The following ATAD5 variants were observed in gnomAD, a reference collection of about 807,000 sequenced individuals.
ATAD5 encodes ATPase family AAA domain-containing protein 5.
ATAD5 carries 58 observed loss-of-function variants against 176.9 expected under a neutral mutation model. That is an observed-to-expected ratio of 0.33 (90% CI 0.27 to 0.41). The LOEUF (loss-of-function observed/expected upper bound fraction) is 0.41, where lower values mean the gene tolerates loss of function less well. Ranked by LOEUF, ATAD5 falls within the 10% of genes least tolerant of loss-of-function variation. ATAD5 has a pLI of 1.00. For missense variants in ATAD5, 1,789 were observed against 2,094.1 expected (o/e 0.85, Z 2.84); for synonymous variants, 640 against 712.6 (o/e 0.90, Z 1.62).
At chr17:30,849,261 G>A (rs1233770854) in intron 6 of ATAD5, among the ~76,000 whole-genome samples, 1 of 152,004 alleles carries the variant, frequency 6.6e-6, no homozygotes, top group Non-Finnish European at 1.5e-5. Flanking sequence ...GTTTCCTTTT[G>A]TCTTTTCCCT....
rs894267428 is a variant in ATAD5 at position 30,832,383 on chromosome 17, T to C, written c.36T>C (p.Ala12=). The part of the protein sequence containing the change: ...VGVLAMAAAA[A]PPPVKDCEIE... ...TCCTGGCCATGGCGGCTGCAGCTGCTCCGCCTCCCGTGAAGGACTGCGAGA... is the reference window on the plus strand; with the variant it reads ...TCCTGGCCATGGCGGCTGCAGCTGCCCCGCCTCCCGTGAAGGACTGCGAGA... Residue 12 remains alanine, a synonymous_variant, in exon 1 of 23, where the codon GCT becomes GCC. Transcript: ENST00000321990. 1 of 1,564,000 alleles carries C rather than the reference T, an allele frequency of 6.4e-7. No homozygotes were observed. Among genetic ancestry groups the C allele is most frequent in the Non-Finnish European group, 8.7e-7 (1 of 1,154,148 alleles).
chr17:30,857,579 A>G (rs573588087), intron 8 of ATAD5, among the ~76,000 whole-genome samples: 1 of 152,156 alleles, frequency 6.6e-6, no homozygotes, highest in African/African-American at 2.4e-5. Flanking sequence ...AGAGCTTTAA[A>G]AACATTTTAA....
At chr17:30,850,835 A>T (rs1239393540) in intron 6 of ATAD5, among the ~76,000 whole-genome samples, 20 of 4,774 alleles carry the variant, frequency 4.2e-3, no homozygotes, top group East Asian at 0.015. Flanking sequence ...ATATATTTTT[A>T]TATATATATA....
chr17:30,837,849 C>CA (rs1905850293), intron 3 of ATAD5, among the ~76,000 whole-genome samples: 1 of 152,122 alleles, frequency 6.6e-6, no homozygotes, highest in South Asian at 2.1e-4. Context: ...GTTAGGATTC[C>CA]AACATATGAA....
Position 30,835,793 on chromosome 17 carries a change from A to T in ATAD5, c.1712A>T (p.Asp571Val). 6.2e-7 allele frequency: 1 copy of T among 1,613,432 alleles called. No individual in the cohort carries two copies. Among genetic ancestry groups the T allele is most frequent in the Non-Finnish European group, 8.5e-7 (1 of 1,179,830 alleles). The change falls in exon 2 of 23, where the codon GAT becomes GTT. Residue 571 changes from aspartate (D) to valine (V), a missense_variant. Transcript: ENST00000321990. ...LSRKTSIPVK[D>V]IKLTQSKAES... is the part of the protein sequence containing the mutation. Reference sequence around the variant, plus strand: ...AGAAAAACCAGCATACCAGTTAAAGATATTAAGCTTACACAGTCTAAAGCT... The same window carrying T: ...AGAAAAACCAGCATACCAGTTAAAGTTATTAAGCTTACACAGTCTAAAGCT...
rs1218980582 is a variant in ATAD5, at chr17:30,858,151, T to C, written c.2794-10T>C. 6 of 1,527,926 alleles carry C rather than the reference T, an allele frequency of 3.9e-6. No homozygotes were observed. Among genetic ancestry groups the C allele is most frequent in the Non-Finnish European group, 5.3e-6 (6 of 1,138,402 alleles). The allele number at this position is 1,527,926 out of a possible 1,614,324, so 94.6% of individuals were successfully genotyped here. A position where few individuals can be genotyped will look rare whatever the true frequency, so the allele number is the denominator to read the frequency against. Reference sequence around the variant, plus strand: ...TGGTCTGTTATTGTGCATTTTATTCTTTATTGCAGTTCATGAGGACAAGGA... The same window carrying C: ...TGGTCTGTTATTGTGCATTTTATTCCTTATTGCAGTTCATGAGGACAAGGA... On this transcript the variant is annotated splice_polypyrimidine_tract_variant and intron_variant, in intron 8 of 22. Transcript: ENST00000321990.
chr17:30,838,846 A>C (rs1051117986), intron 3 of ATAD5, among the ~76,000 whole-genome samples: 5 of 152,146 alleles, frequency 3.3e-5, no homozygotes, highest in Non-Finnish European at 5.9e-5. Context: ...TAGATCAGTT[A>C]TTTTATCTCA....
At chr17:30,877,661 C>A in intron 16 of ATAD5, 112 bp downstream of exon 16, 1 of 1,109,550 alleles carries the variant, frequency 9.0e-7, no homozygotes, top group South Asian at 1.5e-5. Context: ...GTCAGGAATA[C>A]GTGTATCTAT....
intron 6 of ATAD5, 148 bp downstream of exon 6, chr17:30,845,064 A>G: frequency 1.4e-6 from 1 of 731,034 alleles, no homozygotes. Flanking sequence ...CAGTGCTGCA[A>G]CTGCTATTTG....
chr17:30,892,267 A>G (rs569534943), intron 19 of ATAD5, among the ~76,000 whole-genome samples: 1 of 151,942 alleles, frequency 6.6e-6, no homozygotes, highest in East Asian at 2.0e-4. Context: ...TCTACTAAAA[A>G]TACAAAAAGT....
chr17:30,892,495 C>T (rs911530173), intron 19 of ATAD5, 112 bp from the exon 20 acceptor site: 1 of 557,064 alleles, frequency 1.8e-6, no homozygotes. Context: ...ATGTAGAGAA[C>T]TAAATGGGGG....
At chr17:30,856,268 T>G (rs1318811920) in intron 7 of ATAD5, among the ~76,000 whole-genome samples, 1 of 152,180 alleles carries the variant, frequency 6.6e-6, no homozygotes, top group Non-Finnish European at 1.5e-5. Flanking sequence ...ATAACAACTC[T>G]AAGAGGTTGA....
At chr17:30,866,010 A>G (rs1387737701) in intron 11 of ATAD5, among the ~76,000 whole-genome samples, 3 of 151,972 alleles carry the variant, frequency 2.0e-5, no homozygotes, top group Non-Finnish European at 1.5e-5. Flanking sequence ...CCAGAAAAAT[A>G]TTTTTATGCA....
In ATAD5 at chr17:30,834,805, A is replaced by G. The variant is rs1448655665; in HGVS notation, c.724A>G (p.Thr242Ala). ...DGKDTKQMENTTSHANSRDNV... is the reference protein window; with the variant it reads ...DGKDTKQMENATSHANSRDNV... ...TAAAGATACTAAACAGATGGAGAAT[A>G]CTACAAGCCATGCAAACTCTAGAGA... The change falls in exon 2 of 23, where the codon ACT (threonine) becomes GCT (alanine). Residue 242 changes from threonine (T) to alanine (A), a missense_variant. Thr to Ala is a moderately conservative substitution (Grantham distance 58). Transcript: ENST00000321990. 1.9e-6 allele frequency: 3 copies of G among 1,613,938 alleles called. No homozygotes were observed. Among genetic ancestry groups the G allele is most frequent in the Non-Finnish European group, 2.5e-6 (3 of 1,179,990 alleles).
At position 30,835,173 on chromosome 17, in the gene ATAD5, T is replaced by C; in HGVS notation, c.1092T>C (p.Val364=). Residue 364 remains valine, a synonymous_variant, in exon 2 of 23, where the codon GTT becomes GTC. Transcript: ENST00000321990. ...SLSDPENEQT[V]QKRKSNVVIQ... ...CTGATCCTGAGAATGAACAGACAGT[T>C]CAGAAAAGAAAATCTAATGTTGTTA... 6.2e-7 allele frequency: 1 copy of C among 1,613,952 alleles called. No individual in the cohort carries two copies. The highest frequency in any genetic ancestry group is 8.5e-7 in the Non-Finnish European group (1 of 1,179,966).
At chr17:30,881,578 C>T (rs958876178) in intron 18 of ATAD5, among the ~76,000 whole-genome samples, 8 of 152,232 alleles carry the variant, frequency 5.3e-5, no homozygotes, top group Admixed American at 4.6e-4. Context: ...GCTGGGATTA[C>T]AGGCGTGAGC....
chr17:30,841,950 A>C (rs1474544139), intron 4 of ATAD5, among the ~76,000 whole-genome samples: 2 of 148,370 alleles, frequency 1.3e-5, no homozygotes, highest in Non-Finnish European at 3.0e-5. Flanking sequence ...TGAATATATA[A>C]AAAGAAAAAT....
rs1001509852 is a variant in ATAD5, at chr17:30,872,486, G to A, written c.3607+2840G>A. On this transcript the variant is annotated intron_variant, in intron 14 of 22. Transcript: ENST00000321990. Reference sequence around the variant, plus strand: ...AGAGCTTTGCCCAGCTGTTTCTTCTGTATTCTTCCCCACATCTCTGTCTGC... The same window carrying A: ...AGAGCTTTGCCCAGCTGTTTCTTCTATATTCTTCCCCACATCTCTGTCTGC... Among the ~76,000 whole-genome samples, 4 of 149,586 alleles carry A rather than the reference G, an allele frequency of 2.7e-5. No individual in the cohort carries two copies. The East Asian group carries it at 7.9e-4, about 29-fold the overall frequency.
intron 6 of ATAD5, among the ~76,000 whole-genome samples, chr17:30,847,829 C>T (rs1373879229): frequency 3.3e-5 from 5 of 150,542 alleles, no homozygotes; most frequent in Admixed American, 1.3e-4. Context: ...ATGCCATTCT[C>T]CTGCCTCAGC....
Sources: gnomAD v4.1 joint callset for allele counts (sites outside exome capture counted in the v4.1 genomes callset) on GRCh38, gnomAD v4.1.1 for gene constraint, MANE v1.5 for transcripts, NCBI Gene and HGNC (gene_info 2026-07-23, HGNC 2026-07-21) for gene names.